Variants in CYP39A1 observed in about 807,000 individuals in gnomAD.
CYP39A1 encodes the protein 24-hydroxycholesterol 7-alpha-hydroxylase.
A neutral mutation model predicts 58.1 loss-of-function variants in CYP39A1; 49 were observed. The ratio of observed to expected loss-of-function variants is 0.84; its 90% CI spans 0.67 to 1.07. CYP39A1 has a LOEUF of 1.07. Ranked by LOEUF, CYP39A1 falls within the 50% of genes least tolerant of loss-of-function variation. The probability of loss-of-function intolerance (pLI) is 0.00; values close to 1 mark genes in which losing one functional copy is unlikely to be tolerated. For missense variants in CYP39A1, 531 were observed against 539.4 expected (o/e 0.98, Z 0.16); for synonymous variants, 209 against 187.6 (o/e 1.11, Z -0.93).
chr6:46,596,034 C>T lies in CYP39A1; in HGVS notation c.1018G>A (p.Ala340Thr). 1 of 1,611,966 alleles carries T rather than the reference C, an allele frequency of 6.2e-7. No homozygotes were observed. The highest frequency in any genetic ancestry group is 8.5e-7 in the Non-Finnish European group (1 of 1,178,858). Residue 340 changes from alanine (A) to threonine (T), a missense_variant, in exon 8 of 12, where the codon GCT becomes ACT. Ala to Thr is a moderately conservative substitution (Grantham distance 58). Coordinates refer to ENST00000275016, the MANE Select transcript of CYP39A1 (RefSeq NM_016593.5). ...ACTTTTCTAGTAATGACACCAGGAG[C>T]TTTTAAACGAATGGTTTCCAAAACA... ...WCVLETIRLK[A>T]PGVITRKVVK...
Position 46,550,380 on chromosome 6 carries a change from T to C in CYP39A1, c.1396A>G (p.Lys466Glu), listed in dbSNP as rs759086877. Residue 466 changes from lysine (K) to glutamate (E), a missense_variant, in exon 12 of 12, where the codon AAA becomes GAA. Physicochemically the swap from Lys to Glu is moderately conservative, Grantham distance 56. Coordinates refer to ENST00000275016, the MANE Select transcript of CYP39A1 (RefSeq NM_016593.5). ...CCCAACAGATGTCATATTCTTTGTT[T>C]ATATTCAATTCGGCATTGCCCTTCC... is the stretch of plus-strand genomic sequence containing the variant. Reference protein sequence around the residue: ...QPEGQCRIEYKQRI With the variant: ...QPEGQCRIEYEQRI 5 of 1,612,914 alleles carry C rather than the reference T, an allele frequency of 3.1e-6. No individual in the cohort carries two copies. The highest frequency in any genetic ancestry group is 4.2e-6 in the Non-Finnish European group (5 of 1,179,498).
chr6:46,619,934 A>C (rs1774852972), intron 7 of CYP39A1, among the ~76,000 whole-genome samples: 1 of 152,148 alleles, frequency 6.6e-6, no homozygotes, highest in Admixed American at 6.5e-5. Flanking sequence ...TTCCAAAGAA[A>C]TTTTAAAACT....
Position 46,630,955 on chromosome 6 carries a change from A to T in CYP39A1, c.840+8T>A, listed in dbSNP as rs776665700. ...GCAACGTAACTCATACTTTACTAAT[A>T]TACTTACAGGAACAGCATTAGACAG... is the stretch of plus-strand genomic sequence containing the variant. On this transcript the variant is annotated splice_region_variant and intron_variant, in intron 6 of 11. Coordinates refer to ENST00000275016, the MANE Select transcript of CYP39A1 (RefSeq NM_016593.5). 1 of 1,596,852 alleles carries T rather than the reference A, an allele frequency of 6.3e-7. No individual in the cohort carries two copies. The highest frequency in any genetic ancestry group is 1.7e-5 in the Admixed American group (1 of 59,714).
intron 10 of CYP39A1, among the ~76,000 whole-genome samples, chr6:46,581,660 G>A (rs1772139354): frequency 1.3e-5 from 2 of 152,112 alleles, no homozygotes; most frequent in Non-Finnish European, 2.9e-5. Context: ...GGTGGAGCAT[G>A]GGAGGGGGGT....
rs369297174 is a variant in CYP39A1 at position 46,620,833 on chromosome 6, G to T, written c.931+4585C>A. On this transcript the variant is annotated intron_variant, in intron 7 of 11. Coordinates refer to ENST00000275016, the MANE Select transcript of CYP39A1 (RefSeq NM_016593.5). ...GTTAATACCTGATCACTAAATAATG[G>T]AGCAGAGACTTCTGTGGCCACCCAT... Among the ~76,000 whole-genome samples, 6 of 152,232 alleles carry T rather than the reference G, an allele frequency of 3.9e-5. No homozygotes were observed. In the East Asian group the frequency reaches 1.2e-3, roughly 29 times the overall value.
chr6:46,610,536 A>T (rs1188102957), intron 7 of CYP39A1, among the ~76,000 whole-genome samples: 1 of 151,836 alleles, frequency 6.6e-6, no homozygotes, highest in Non-Finnish European at 1.5e-5. Context: ...TCATAGAGAC[A>T]ATCTCACTAT....
At chr6:46,564,445 C>T (rs2150487360) in intron 10 of CYP39A1, among the ~76,000 whole-genome samples, 1 of 152,202 alleles carries the variant, frequency 6.6e-6, no homozygotes, top group African/African-American at 2.4e-5. Context: ...ATCCGCCCAT[C>T]TCAACCTCCC....
chr6:46,628,218 T>C (rs1268184531), intron 6 of CYP39A1, among the ~76,000 whole-genome samples: 4 of 152,224 alleles, frequency 2.6e-5, no homozygotes, highest in Non-Finnish European at 5.9e-5. Context: ...AACACAAATA[T>C]GTTGGGAGAT....
At chr6:46,650,163 G>GATACC (rs1378948822) in intron 1 of CYP39A1, among the ~76,000 whole-genome samples, 2 of 145,426 alleles carry the variant, frequency 1.4e-5, no homozygotes, top group Non-Finnish European at 1.5e-5. Flanking sequence ...CACCTTGAGA[G>GATACC]GGTATGAAGA....
chr6:46,610,021 A>T (rs1774118176), intron 7 of CYP39A1, among the ~76,000 whole-genome samples: 1 of 152,210 alleles, frequency 6.6e-6, no homozygotes, highest in Non-Finnish European at 1.5e-5. Flanking sequence ...ACTCACCGCT[A>T]TCCCCGCAAA....
At chr6:46,590,567 T>C (rs973391764) in intron 8 of CYP39A1, among the ~76,000 whole-genome samples, 10 of 152,294 alleles carry the variant, frequency 6.6e-5, no homozygotes, top group Admixed American at 5.9e-4. Context: ...AAAATAAGTA[T>C]TTTTTAAATT....
chr6:46,636,442 C>T lies in CYP39A1; in HGVS notation c.679G>A (p.Glu227Lys). 6.2e-7 allele frequency: 1 copy of T among 1,610,056 alleles called. No homozygotes were observed. Among genetic ancestry groups the T allele is most frequent in the Non-Finnish European group, 8.5e-7 (1 of 1,179,092 alleles). Residue 227 changes from glutamate (E) to lysine (K), a missense_variant, in exon 5 of 12, where the codon GAG becomes AAG. Glu to Lys is a moderately conservative substitution (Grantham distance 56). Transcript: ENST00000275016. ...KSKKWFLELF[E>K]KNIPDIKACK... ...GCTTTTATATCTGGAATGTTTTTCT[C>T]AAACAGTTCCAGGAACCACTTTTTG...
chr6:46,552,345 T>A (rs547304513), intron 11 of CYP39A1, among the ~76,000 whole-genome samples: 1 of 152,336 alleles, frequency 6.6e-6, no homozygotes, highest in East Asian at 1.9e-4. Flanking sequence ...AGAGTTGTTT[T>A]GAGTTCCCTT....
intron 3 of CYP39A1, among the ~76,000 whole-genome samples, chr6:46,638,363 A>C (rs927487054): frequency 3.7e-4 from 57 of 152,326 alleles, no homozygotes; most frequent in African/African-American, 1.2e-3. Context: ...CAACAACAAC[A>C]AAGATTCAGG....
chr6:46,596,765 C>T (rs1773189524), intron 7 of CYP39A1, among the ~76,000 whole-genome samples: 2 of 152,128 alleles, frequency 1.3e-5, no homozygotes, highest in Non-Finnish European at 1.5e-5. Flanking sequence ...CGAAGGGCAT[C>T]AACCATCAAC....
rs531436286 is a variant in CYP39A1, at chr6:46,557,756, GT to G, written c.1251-3903del. Among the ~76,000 whole-genome samples the G allele has an allele frequency of 2.6e-3, 386 of 150,772 alleles. 2 individuals are homozygous for G. Among genetic ancestry groups the G allele is most frequent in the African/African-American group, 9.1e-3 (374 of 41,058 alleles). ...GTTCAAGACCAGCCTGGCCAAGATG[GT>G]GAAATCCCATCTCTACTAAAAATAC... is the stretch of plus-strand genomic sequence containing the variant. On this transcript the variant is annotated intron_variant, in intron 10 of 11. Coordinates refer to ENST00000275016, the MANE Select transcript of CYP39A1 (RefSeq NM_016593.5).
chr6:46,591,126 G>A (rs1329107646), intron 8 of CYP39A1, among the ~76,000 whole-genome samples: 1 of 152,122 alleles, frequency 6.6e-6, no homozygotes, highest in Non-Finnish European at 1.5e-5. Context: ...TTATGAGAAT[G>A]TAAGTTTCAT....
At position 46,652,495 on chromosome 6, in the gene CYP39A1, G is replaced by A; in HGVS notation, c.88C>T (p.Pro30Ser). 2 of 1,613,900 alleles carry A rather than the reference G, an allele frequency of 1.2e-6. No homozygotes were observed. The highest frequency in any genetic ancestry group is 1.7e-6 in the Non-Finnish European group (2 of 1,179,940). The change falls in exon 1 of 12, where the codon CCG (proline) becomes TCG (serine). Residue 30 changes from proline (P) to serine (S), a missense_variant. By Grantham distance (74) the Pro-to-Ser change is moderately conservative. Transcript: ENST00000275016. ...CAAGGAATCCAGCCCTTGATGCACG[G>A]GGGTCTACGCAAATTCTTCCGCTGA... Reference protein sequence around the residue: ...LLQRKNLRRPPCIKGWIPWIG... With the variant: ...LLQRKNLRRPSCIKGWIPWIG...
intron 8 of CYP39A1, among the ~76,000 whole-genome samples, chr6:46,588,613 G>A (rs1772623750): frequency 6.6e-6 from 1 of 152,078 alleles, no homozygotes; most frequent in South Asian, 2.1e-4. Flanking sequence ...TGAGAAGAGG[G>A]GCAGAGGATG....
Sources: allele counts gnomAD v4.1 joint callset (sites outside exome capture counted in the v4.1 genomes callset), GRCh38; gene constraint gnomAD v4.1.1; transcripts MANE v1.5; gene names NCBI Gene and HGNC (gene_info 2026-07-23, HGNC 2026-07-21).